Variants in FBXL13 observed in about 807,000 individuals in gnomAD.
FBXL13 encodes the protein F-box and leucine-rich repeat protein 13.
In FBXL13, 67 loss-of-function variants were observed where a neutral mutation model predicts 83.6. The ratio of observed to expected loss-of-function variants is 0.80; its 90% CI spans 0.66 to 0.98. The LOEUF is 0.98. Ranked by LOEUF, FBXL13 falls within the 50% of genes least tolerant of loss-of-function variation. The probability of loss-of-function intolerance (pLI) is 0.00; values close to 1 mark genes in which losing one functional copy is unlikely to be tolerated. For missense variants in FBXL13, 822 were observed against 866.5 expected (o/e 0.95, Z 0.64); for synonymous variants, 272 against 299.5 (o/e 0.91, Z 0.95).
At position 102,884,857 on chromosome 7, in the gene FBXL13, A is replaced by C. The variant is rs541637672; in HGVS notation, c.1009-545T>G. On this transcript the variant is annotated intron_variant, in intron 11 of 19. Coordinates refer to ENST00000313221, the Ensembl canonical transcript of FBXL13. The stretch of plus-strand genomic sequence containing the variant: ...GTGTCCTGTCTCCATAAATTTACCT[A>C]TTCTGAATATTTCATATAAATGGAA... 2.0e-5 allele frequency among the ~76,000 whole-genome samples: 3 copies of C among 152,166 alleles called. No homozygotes were observed. In the East Asian group the frequency reaches 5.8e-4, roughly 29 times the overall value.
intron 2 of FBXL13, among the ~76,000 whole-genome samples, chr7:103,054,589 C>T (rs929978553): frequency 8.5e-5 from 13 of 152,236 alleles, no homozygotes; most frequent in African/African-American, 3.1e-4. Context: ...TACCAGTTTT[C>T]AGTAACAATG....
rs575298209 is a variant in FBXL13 at position 102,967,650 on chromosome 7, A to T, written c.591+372T>A. 4.1e-4 allele frequency among the ~76,000 whole-genome samples: 62 copies of T among 152,302 alleles called. 2 individuals carry two copies. The highest frequency in any genetic ancestry group is 1.4e-3 in the African/African-American group (57 of 41,570). Reference sequence around the variant, plus strand: ...AAGGCCATTGCACACCTCACACCCTAAACATCTTTCCCATGGTCATGGACT... The same window carrying T: ...AAGGCCATTGCACACCTCACACCCTTAACATCTTTCCCATGGTCATGGACT... On this transcript the variant is annotated intron_variant, in intron 7 of 19. Transcript: ENST00000313221.
At chr7:102,948,742 C>T (rs529234899) in intron 8 of FBXL13, among the ~76,000 whole-genome samples, 12 of 150,198 alleles carry the variant, frequency 8.0e-5, no homozygotes, top group Non-Finnish European at 1.5e-4. Flanking sequence ...GACACAGTCT[C>T]GCTCTGTCAC....
At chr7:103,050,170 T>C (rs1187754393) in intron 2 of FBXL13, 1 of 152,098 alleles carries the variant, frequency 6.6e-6, no homozygotes, top group Non-Finnish European at 1.5e-5. Flanking sequence ...AGCCTCAGAA[T>C]TTTTTTTGTA....
intron 5 of FBXL13, among the ~76,000 whole-genome samples, chr7:103,026,897 C>T (rs1380962217): frequency 6.6e-6 from 1 of 152,154 alleles, no homozygotes; most frequent in Non-Finnish European, 1.5e-5. Flanking sequence ...AAAAATCCAG[C>T]ATGTTTCTAC....
chr7:102,942,207 T>C, intron 8 of FBXL13: 1 of 1,058,298 alleles, frequency 9.4e-7, no homozygotes, highest in East Asian at 2.5e-5. Flanking sequence ...GAACAAAAGT[T>C]CTTTTGAAAC....
chr7:102,837,266 C>T (rs1017868550), intron 17 of FBXL13, among the ~76,000 whole-genome samples: 2 of 152,236 alleles, frequency 1.3e-5, no homozygotes, highest in African/African-American at 4.8e-5. Context: ...AGATGCCACT[C>T]TTGCATTCCC....
At chr7:102,863,907 C>G (rs539127657) in intron 16 of FBXL13, among the ~76,000 whole-genome samples, 1 of 152,158 alleles carries the variant, frequency 6.6e-6, no homozygotes, top group Admixed American at 6.5e-5. Flanking sequence ...AATGAATAAG[C>G]CCTACCAATG....
chr7:103,070,037 C>T (rs1798787700), intron 1 of FBXL13, among the ~76,000 whole-genome samples: 1 of 150,076 alleles, frequency 6.7e-6, no homozygotes, highest in Non-Finnish European at 1.5e-5. Context: ...CGAGATCCCG[C>T]CACTGCACTC....
At chr7:103,033,805 G>A (rs767227471) in intron 2 of FBXL13, among the ~76,000 whole-genome samples, 3 of 152,068 alleles carry the variant, frequency 2.0e-5, no homozygotes, top group African/African-American at 2.4e-5. Flanking sequence ...ATGCTGGCTC[G>A]GGCAGCCTGC....
chr7:102,825,343 G>A (rs1164248761), intron 18 of FBXL13, among the ~76,000 whole-genome samples: 1 of 152,096 alleles, frequency 6.6e-6, no homozygotes, highest in East Asian at 1.9e-4. Flanking sequence ...GGCTTTATAA[G>A]AAGAAGAAAG....
At chr7:103,061,865 G>A (rs938747410) in intron 1 of FBXL13, among the ~76,000 whole-genome samples, 57 of 150,252 alleles carry the variant, frequency 3.8e-4, no homozygotes, top group African/African-American at 1.3e-3. Context: ...AGGAATTCAG[G>A]AGGCGGAGCT....
At chr7:102,953,466 T>C (rs928352334) in intron 8 of FBXL13, among the ~76,000 whole-genome samples, 2 of 152,102 alleles carry the variant, frequency 1.3e-5, no homozygotes, top group African/African-American at 4.8e-5. Flanking sequence ...CATCACCCTT[T>C]TATAATAAGA....
intron 6 of FBXL13, among the ~76,000 whole-genome samples, chr7:103,005,352 G>A (rs1383767908): frequency 6.6e-6 from 1 of 152,144 alleles, no homozygotes; most frequent in African/African-American, 2.4e-5. Context: ...GGCTGAAGGA[G>A]TTCCTACCTG....
chr7:102,903,778 T>G (rs1813280204), intron 11 of FBXL13, among the ~76,000 whole-genome samples: 1 of 152,116 alleles, frequency 6.6e-6, no homozygotes, highest in African/African-American at 2.4e-5. Context: ...ATTGATTTAT[T>G]TGCATATGTT....
intron 16 of FBXL13, among the ~76,000 whole-genome samples, chr7:102,870,774 G>C (rs1376904721): frequency 6.6e-6 from 1 of 152,072 alleles, no homozygotes; most frequent in African/African-American, 2.4e-5. Flanking sequence ...GTCATAGCTG[G>C]GTGTAGTGGC....
At chr7:102,823,573 G>C (rs1358081178) in intron 18 of FBXL13, among the ~76,000 whole-genome samples, 1 of 152,182 alleles carries the variant, frequency 6.6e-6, no homozygotes, top group African/African-American at 2.4e-5. Flanking sequence ...ATACTACTTA[G>C]AGTATTTCAC....
At position 102,883,618 on chromosome 7, in the gene FBXL13, C is replaced by T; in HGVS notation, c.1175G>A (p.Cys392Tyr). 12 of 1,612,470 alleles carry T rather than the reference C, an allele frequency of 7.4e-6. No individual in the cohort carries two copies. Among genetic ancestry groups the T allele is most frequent in the Non-Finnish European group, 9.3e-6 (11 of 1,178,886 alleles). The change falls in exon 13 of 20, where the codon TGT (cysteine) becomes TAT (tyrosine). Residue 392 changes from cysteine (C) to tyrosine (Y), a missense_variant. Coordinates refer to ENST00000313221, the Ensembl canonical transcript of FBXL13. ...ACAAGCAGAAAGAGCTCTGAAAGTA[C>T]AATCGGAGATATGCGGTGCACCAGT...
chr7:102,946,690 A>C (rs1327367809), intron 8 of FBXL13, among the ~76,000 whole-genome samples: 1 of 96,988 alleles, frequency 1.0e-5, no homozygotes, highest in Admixed American at 1.1e-4. Flanking sequence ...TTATTTATTT[A>C]TTTTGAGACA....
Sources: allele counts gnomAD v4.1 joint callset (sites outside exome capture counted in the v4.1 genomes callset), GRCh38; gene constraint gnomAD v4.1.1; transcripts MANE v1.5; gene names NCBI Gene and HGNC (gene_info 2026-07-23, HGNC 2026-07-21).